The following LRP1B variants were observed in gnomAD, a reference collection of about 807,000 sequenced individuals.
LRP1B encodes LDL receptor related protein 1B, also known as low-density lipoprotein receptor-related protein 1B.
Under a neutral mutation model 556.6 loss-of-function variants are expected in LRP1B, and 217 were observed. That is an observed-to-expected ratio of 0.39 (90% CI 0.35 to 0.44). LRP1B has a LOEUF of 0.44. Among genes scored for constraint, LRP1B ranks in the 20% least tolerant of loss-of-function variants. The pLI, the probability that LRP1B is intolerant of heterozygous loss-of-function variation, is 1.00. For synonymous variants in LRP1B, 2,047 were observed against 1,865.8 expected (o/e 1.10, Z -2.50); for missense variants, 5,053 against 5,620.8 (o/e 0.90, Z 3.23).
At chr2:141,748,442 C>T (rs1028215505) in intron 2 of LRP1B, among the ~76,000 whole-genome samples, 5 of 152,156 alleles carry the variant, frequency 3.3e-5, no homozygotes, top group African/African-American at 4.8e-5. Context: ...TTATAGGACA[C>T]GGATGGAAGA....
Position 140,582,702 on chromosome 2 carries a change from C to CT in LRP1B, c.7194+15928dup, listed in dbSNP as rs138633443. Among the ~76,000 whole-genome samples, 1,192 of 152,270 alleles carry CT rather than the reference C, an allele frequency of 7.8e-3. 21 individuals are homozygous for CT. Among genetic ancestry groups the CT allele is most frequent in the Middle Eastern group, 0.068 (20 of 294 alleles). The stretch of plus-strand genomic sequence containing the variant: ...AGGCCTTCACCAGACACCAGGCCTG[C>CT]TGGTGCCTTGATCTTTCACTTCTCA... On this transcript the variant is annotated intron_variant, in intron 43 of 90. Transcript: ENST00000389484.
chr2:142,073,175 C>A (rs1437819201), intron 1 of LRP1B, among the ~76,000 whole-genome samples: 1 of 151,872 alleles, frequency 6.6e-6, no homozygotes, highest in African/African-American at 2.4e-5. Context: ...GACTATATTT[C>A]TATATATAAA....
intron 3 of LRP1B, among the ~76,000 whole-genome samples, chr2:141,304,275 C>T (rs1428131343): frequency 6.6e-6 from 1 of 151,848 alleles, no homozygotes; most frequent in Non-Finnish European, 1.5e-5. Context: ...TTAATATGTC[C>T]TGTGTACCTA....
chr2:141,636,377 C>T (rs1320337575), intron 2 of LRP1B, among the ~76,000 whole-genome samples: 1 of 152,028 alleles, frequency 6.6e-6, no homozygotes, highest in Non-Finnish European at 1.5e-5. Context: ...ATGAAAAGAA[C>T]TCAACCTTAG....
chr2:140,952,023 A>C lies in LRP1B; in HGVS notation c.2888-83T>G, dbSNP rs538321290. On this transcript the variant is annotated intron_variant, in intron 18 of 90. Transcript: ENST00000389484. ...ATTCGTATCATCTGATAATGTGATC[A>C]GAACTCCTTCCCTGTTCTCTACAAA... 22 of 963,114 alleles carry C rather than the reference A, an allele frequency of 2.3e-5. 1 individual carries two copies. In the South Asian group the frequency reaches 3.1e-4, roughly 14 times the overall value. The allele number at this position is 963,114 out of a possible 1,614,324, so 59.7% of individuals were successfully genotyped here. A position where few individuals can be genotyped will look rare whatever the true frequency, so the allele number is the denominator to read the frequency against.
intron 67 of LRP1B, among the ~76,000 whole-genome samples, chr2:140,379,689 T>C (rs72896229): frequency 0.096 from 14,554 of 152,070 alleles, 1,139 homozygotes; most frequent in East Asian, 0.28. Context: ...AGCAAGACTG[T>C]GCTTCGGAAA....
In LRP1B at chr2:141,822,774, C is replaced by T. The variant is rs963653429; in HGVS notation, c.83-12373G>A. Among the ~76,000 whole-genome samples the T allele has an allele frequency of 4.6e-5, 7 of 152,142 alleles. 1 individual carries two copies. The highest frequency in any genetic ancestry group is 4.6e-4 in the Admixed American group (7 of 15,276). On this transcript the variant is annotated intron_variant, in intron 1 of 90. Coordinates refer to ENST00000389484, the MANE Select transcript of LRP1B (RefSeq NM_018557.3). ...GACTCATTTATTTAATACTCATTTA[C>T]TGTGAACCAAAGTAGGCACTAAGAA...
intron 11 of LRP1B, among the ~76,000 whole-genome samples, chr2:141,036,349 G>A (rs1433489787): frequency 6.6e-6 from 1 of 152,050 alleles, no homozygotes; most frequent in African/African-American, 2.4e-5. Flanking sequence ...GAATTTACAA[G>A]AGAAAGATGG....
chr2:140,444,752 A>G lies in LRP1B; in HGVS notation c.10058-73T>C, dbSNP rs538687170. ...ACTTCTTAAACATAGAGTTTCTGAC[A>G]TTCAAGATATTTACTATAATAAATA... On this transcript the variant is annotated intron_variant, in intron 63 of 90. Transcript: ENST00000389484. 1.3e-5 allele frequency: 11 copies of G among 851,348 alleles called. No individual in the cohort carries two copies. The East Asian group carries it at 1.7e-4, about 13-fold the overall frequency. The allele number at this position is 851,348 out of a possible 1,614,324, so 52.7% of individuals were successfully genotyped here.
chr2:141,275,400 C>G (rs565486296), intron 3 of LRP1B, among the ~76,000 whole-genome samples: 1 of 152,164 alleles, frequency 6.6e-6, no homozygotes, highest in South Asian at 2.1e-4. Context: ...GGTACCTAAA[C>G]TGGAAAAGTC....
At chr2:141,399,494 C>T (rs888475832) in intron 3 of LRP1B, among the ~76,000 whole-genome samples, 8 of 152,176 alleles carry the variant, frequency 5.3e-5, no homozygotes, top group Admixed American at 5.2e-4. Context: ...GCGGCTACAT[C>T]CCCAAACTGC....
At chr2:141,138,598 A>G (rs1005770548) in intron 7 of LRP1B, among the ~76,000 whole-genome samples, 4 of 151,872 alleles carry the variant, frequency 2.6e-5, no homozygotes, top group African/African-American at 4.8e-5. Context: ...TTACTGGCAA[A>G]TAACAATTGG....
chr2:141,391,990 T>C (rs1573892900), intron 3 of LRP1B, among the ~76,000 whole-genome samples: 1 of 152,148 alleles, frequency 6.6e-6, no homozygotes, highest in East Asian at 1.9e-4. Flanking sequence ...AAGATGCATG[T>C]ATATCCAAAG....
chr2:141,006,060 A>G (rs1697565845), intron 14 of LRP1B, among the ~76,000 whole-genome samples: 1 of 152,062 alleles, frequency 6.6e-6, no homozygotes, highest in Admixed American at 6.6e-5. Context: ...TACAACAGAC[A>G]TAAATTAAGC....
chr2:140,976,157 T>A (rs1696589221), intron 18 of LRP1B, among the ~76,000 whole-genome samples: 1 of 152,032 alleles, frequency 6.6e-6, no homozygotes, highest in African/African-American at 2.4e-5. Context: ...TGGGCTCAAG[T>A]GATCCACCTA....
intron 68 of LRP1B, 148 bp downstream of exon 68, chr2:140,378,032 C>T (rs1236759014): frequency 4.2e-5 from 25 of 595,246 alleles, no homozygotes; most frequent in Non-Finnish European, 4.6e-5. Context: ...GGATGTGAAG[C>T]ACAGCACATG....
chr2:141,027,184 CT>C (rs1698239882), intron 11 of LRP1B, among the ~76,000 whole-genome samples: 1 of 152,102 alleles, frequency 6.6e-6, no homozygotes, highest in African/African-American at 2.4e-5. Context: ...TTGGTACAAA[CT>C]TTCCAATCAC....
At chr2:141,324,612 T>C (rs1352377321) in intron 3 of LRP1B, among the ~76,000 whole-genome samples, 3 of 152,154 alleles carry the variant, frequency 2.0e-5, no homozygotes, top group African/African-American at 7.2e-5. Flanking sequence ...TTACTTTTCA[T>C]AAAGGCTGTA....
intron 67 of LRP1B, among the ~76,000 whole-genome samples, chr2:140,382,308 T>A (rs185362898): frequency 1.4e-3 from 206 of 152,324 alleles, no homozygotes; most frequent in African/African-American, 4.3e-3. Context: ...TCACTTGTTA[T>A]TTTAAAATCC....
Sources: allele counts gnomAD v4.1 joint callset (sites outside exome capture counted in the v4.1 genomes callset), GRCh38; gene constraint gnomAD v4.1.1; transcripts MANE v1.5; gene names NCBI Gene and HGNC (gene_info 2026-07-23, HGNC 2026-07-21).